Variants in CCDC170 observed in about 807,000 individuals in gnomAD.
The protein encoded by CCDC170 is coiled-coil domain containing 170, also known as coiled-coil domain-containing protein 170.
Under a neutral mutation model 72.6 loss-of-function variants are expected in CCDC170, and 69 were observed. The ratio of observed to expected loss-of-function variants is 0.95; its 90% CI spans 0.78 to 1.16. The LOEUF is 1.16. Ranked by LOEUF, CCDC170 falls within the 50% of genes most tolerant of loss-of-function variation. CCDC170 has a pLI of 0.00. For synonymous variants in CCDC170, 300 were observed against 303.9 expected (o/e 0.99, Z 0.13); for missense variants, 852 against 832.5 (o/e 1.02, Z -0.29).
rs1435678047 is a variant in CCDC170, at chr6:151,617,379, C to A, written c.1948-568C>A. Among the ~76,000 whole-genome samples, 3 of 129,646 alleles carry A rather than the reference C, an allele frequency of 2.3e-5. No individual in the cohort carries two copies. In the Middle Eastern group the frequency reaches 0.013, roughly 549 times the overall value. The allele number at this position is 129,646 out of a possible 152,430, so 85.1% of individuals were successfully genotyped here. A position where few individuals can be genotyped will look rare whatever the true frequency, so the allele number is the denominator to read the frequency against. On this transcript the variant is annotated intron_variant, in intron 10 of 10. Transcript: ENST00000239374. ...AGTAATTTAGAAGTCCTCCTGTTTT[C>A]ATTAGCTTATACTTTCTTGCTGTTT...
At chr6:151,532,051 A>G (rs970766570) in intron 1 of CCDC170, among the ~76,000 whole-genome samples, 2 of 152,206 alleles carry the variant, frequency 1.3e-5, no homozygotes, top group Non-Finnish European at 1.5e-5. Context: ...AACCAATGCA[A>G]TTAGTCAAGA....
chr6:151,573,052 G>A, intron 5 of CCDC170, 122 bp from the exon 6 acceptor site: 1 of 797,846 alleles, frequency 1.3e-6, no homozygotes, highest in East Asian at 2.5e-5. Flanking sequence ...AAAATGGAAG[G>A]AGTAATTAAC....
At chr6:151,616,215 T>G (rs2115149986) in intron 10 of CCDC170, among the ~76,000 whole-genome samples, 1 of 152,226 alleles carries the variant, frequency 6.6e-6, no homozygotes, top group Middle Eastern at 3.4e-3. Flanking sequence ...AGAGATCAGT[T>G]GCAGGAAACA....
chr6:151,561,854 A>G (rs903708710), intron 5 of CCDC170, among the ~76,000 whole-genome samples: 4 of 152,130 alleles, frequency 2.6e-5, no homozygotes, highest in African/African-American at 9.6e-5. Context: ...GAATGCCAAT[A>G]AGTTGAAGAT....
chr6:151,608,883 A>T (rs932296262), intron 9 of CCDC170, among the ~76,000 whole-genome samples: 6 of 152,194 alleles, frequency 3.9e-5, no homozygotes, highest in Admixed American at 3.3e-4. Context: ...CAGGCAGCTC[A>T]TTATACTGCG....
intron 5 of CCDC170, among the ~76,000 whole-genome samples, chr6:151,569,425 G>A (rs1391345968): frequency 6.6e-6 from 1 of 152,062 alleles, no homozygotes; most frequent in Non-Finnish European, 1.5e-5. Context: ...TACATTTGTC[G>A]CTTCAGTCAG....
intron 9 of CCDC170, among the ~76,000 whole-genome samples, chr6:151,613,629 G>T (rs1776910954): frequency 6.6e-6 from 1 of 152,160 alleles, no homozygotes; most frequent in Non-Finnish European, 1.5e-5. Flanking sequence ...CCCTTAGCAT[G>T]ATGTTTTCAA....
intron 7 of CCDC170, among the ~76,000 whole-genome samples, chr6:151,588,048 C>A (rs1776480031): frequency 6.6e-6 from 1 of 152,042 alleles, no homozygotes; most frequent in African/African-American, 2.4e-5. Flanking sequence ...TTGGCGAAAC[C>A]AAAGGTGTGA....
Position 151,525,489 on chromosome 6 carries a change from T to C in CCDC170, c.58-10829T>C, listed in dbSNP as rs540214253. Among the ~76,000 whole-genome samples, 15 of 152,280 alleles carry C rather than the reference T, an allele frequency of 9.9e-5. No individual in the cohort carries two copies. In the South Asian group the frequency reaches 3.1e-3, roughly 32 times the overall value. On this transcript the variant is annotated intron_variant, in intron 1 of 10. Coordinates refer to ENST00000239374, the MANE Select transcript of CCDC170 (RefSeq NM_025059.4). ...TTATGACAATACACCCTCCCCACCC[T>C]TGGGATAATGTACTTTGTGATATTT...
At chr6:151,537,664 T>C (rs1340678428) in intron 2 of CCDC170, among the ~76,000 whole-genome samples, 2 of 152,196 alleles carry the variant, frequency 1.3e-5, no homozygotes, top group Admixed American at 1.3e-4. Flanking sequence ...GTTATGGCTG[T>C]GAAATCACAG....
intron 9 of CCDC170, among the ~76,000 whole-genome samples, chr6:151,598,487 C>T (rs1281697947): frequency 1.3e-5 from 2 of 152,140 alleles, no homozygotes; most frequent in East Asian, 1.9e-4. Flanking sequence ...GGGGTCATCA[C>T]CTAGGCTGTG....
chr6:151,527,689 G>A (rs901813391), intron 1 of CCDC170, among the ~76,000 whole-genome samples: 1 of 152,066 alleles, frequency 6.6e-6, no homozygotes, highest in African/African-American at 2.4e-5. Flanking sequence ...GAGAGGGAGA[G>A]AGAAATAGAA....
chr6:151,586,567 T>A (rs1776453904), intron 7 of CCDC170, among the ~76,000 whole-genome samples: 1 of 151,834 alleles, frequency 6.6e-6, no homozygotes. Flanking sequence ...GGAAACAGTT[T>A]GAAGAAAGGC....
intron 5 of CCDC170, among the ~76,000 whole-genome samples, chr6:151,554,423 T>C (rs1052038835): frequency 6.6e-6 from 1 of 152,144 alleles, no homozygotes; most frequent in African/African-American, 2.4e-5. Context: ...CAGTGGAGTA[T>C]GTAAGAGAGA....
At chr6:151,511,339 C>G (rs1415543643) in intron 1 of CCDC170, among the ~76,000 whole-genome samples, 2 of 152,120 alleles carry the variant, frequency 1.3e-5, no homozygotes, top group African/African-American at 4.8e-5. Flanking sequence ...TTAAGTTCAG[C>G]CAGGTATTTT....
At chr6:151,542,502 G>A (rs1165896261) in intron 3 of CCDC170, among the ~76,000 whole-genome samples, 10 of 152,198 alleles carry the variant, frequency 6.6e-5, no homozygotes, top group African/African-American at 2.4e-4. Flanking sequence ...GATTACAGGC[G>A]TGAGCCACTG....
chr6:151,510,101 A>C (rs979395262), intron 1 of CCDC170, among the ~76,000 whole-genome samples: 4 of 152,194 alleles, frequency 2.6e-5, no homozygotes, highest in African/African-American at 9.6e-5. Context: ...GGCAACAGAA[A>C]GAGACTCCGT....
chr6:151,606,377 C>T (rs1197304602), intron 9 of CCDC170, among the ~76,000 whole-genome samples: 2 of 152,128 alleles, frequency 1.3e-5, no homozygotes, highest in Non-Finnish European at 2.9e-5. Flanking sequence ...TTCCTTGACT[C>T]CATTTGTCAT....
At chr6:151,533,770 C>T (rs1731270314) in intron 1 of CCDC170, among the ~76,000 whole-genome samples, 1 of 151,872 alleles carries the variant, frequency 6.6e-6, no homozygotes. Context: ...GCCTTCCTTG[C>T]ATTTATTTCA....
Sources: allele counts gnomAD v4.1 joint callset (sites outside exome capture counted in the v4.1 genomes callset), GRCh38; gene constraint gnomAD v4.1.1; transcripts MANE v1.5; gene names NCBI Gene and HGNC (gene_info 2026-07-23, HGNC 2026-07-21).